ENPP6: variants seen among roughly 807,000 people sequenced by gnomAD.
ENPP6 encodes the protein glycerophosphocholine cholinephosphodiesterase ENPP6.
In ENPP6, 32 loss-of-function variants were observed where a neutral mutation model predicts 42.0. That is an observed-to-expected ratio of 0.76 (90% CI 0.58 to 1.02). ENPP6 has a LOEUF of 1.02. ENPP6 is among the 50% of genes least tolerant of loss of function. The probability of loss-of-function intolerance (pLI) is 0.00; values close to 1 mark genes in which losing one functional copy is unlikely to be tolerated. For missense variants in ENPP6, 552 were observed against 566.8 expected (o/e 0.97, Z 0.27); for synonymous variants, 213 against 216.0 (o/e 0.99, Z 0.12).
intron 1 of ENPP6, among the ~76,000 whole-genome samples, chr4:184,158,864 C>T (rs1737216626): frequency 6.6e-6 from 1 of 152,190 alleles, no homozygotes; most frequent in Non-Finnish European, 1.5e-5. Context: ...TTCACCATCA[C>T]TAAGGTCCTT....
intron 1 of ENPP6, among the ~76,000 whole-genome samples, chr4:184,208,668 C>T (rs1469027977): frequency 6.0e-5 from 9 of 149,052 alleles, no homozygotes; most frequent in Admixed American, 1.3e-4. Context: ...GGGGGAGGGG[C>T]GCCCGCCATT....
At chr4:184,203,455 T>G (rs1732937439) in intron 1 of ENPP6, among the ~76,000 whole-genome samples, 1 of 152,190 alleles carries the variant, frequency 6.6e-6, no homozygotes, top group African/African-American at 2.4e-5. Context: ...GTGACCTTAT[T>G]AGAAATAAGC....
chr4:184,179,934 TAAC>T (rs142000145), intron 1 of ENPP6, among the ~76,000 whole-genome samples: 117,425 of 151,774 alleles, frequency 0.77, 49,743 homozygotes, highest in East Asian at 1. Flanking sequence ...GATCTCAAGT[TAAC>T]AACCTAACAT....
At chr4:184,176,656 T>C (rs1737566323) in intron 1 of ENPP6, among the ~76,000 whole-genome samples, 2 of 152,334 alleles carry the variant, frequency 1.3e-5, no homozygotes, top group Non-Finnish European at 2.9e-5. Context: ...GGCACTCTCA[T>C]GCTGGTGGGG....
At chr4:184,217,455 C>A in intron 1 of ENPP6, 124 bp downstream of exon 1, 2 of 1,350,198 alleles carry the variant, frequency 1.5e-6, no homozygotes, top group Admixed American at 2.5e-5. Flanking sequence ...TTTTATCTAC[C>A]TTTGATGTCC....
intron 1 of ENPP6, among the ~76,000 whole-genome samples, chr4:184,200,803 A>G (rs79932194): frequency 0.033 from 5,007 of 152,260 alleles, 105 homozygotes; most frequent in East Asian, 0.067. Flanking sequence ...CTCCTGGCAC[A>G]CCTGGAGCCC....
chr4:184,099,846 A>G (rs1481328431), intron 6 of ENPP6, among the ~76,000 whole-genome samples: 1 of 152,198 alleles, frequency 6.6e-6, no homozygotes, highest in Non-Finnish European at 1.5e-5. Context: ...CAGCTGATTT[A>G]ATGTGTTGCT....
At chr4:184,204,865 T>G (rs542998288) in intron 1 of ENPP6, among the ~76,000 whole-genome samples, 10 of 152,346 alleles carry the variant, frequency 6.6e-5, no homozygotes, top group African/African-American at 2.2e-4. Flanking sequence ...GTGTCGAACA[T>G]CAAAGTGATC....
At chr4:184,103,046 G>A (rs935234071) in intron 6 of ENPP6, among the ~76,000 whole-genome samples, 1 of 152,228 alleles carries the variant, frequency 6.6e-6, no homozygotes, top group African/African-American at 2.4e-5. Context: ...GTGTGGCACT[G>A]GGCAAGCAAC....
At chr4:184,203,282 A>G (rs774003956) in intron 1 of ENPP6, among the ~76,000 whole-genome samples, 1 of 152,154 alleles carries the variant, frequency 6.6e-6, no homozygotes, top group Non-Finnish European at 1.5e-5. Context: ...ATTAACACTC[A>G]AAAGAAGCTG....
chr4:184,111,665 C>T (rs1486712756), intron 6 of ENPP6, among the ~76,000 whole-genome samples: 8 of 152,260 alleles, frequency 5.3e-5, no homozygotes, highest in Admixed American at 5.2e-4. Context: ...CGAATCTGCT[C>T]TCTTCTCAGT....
At chr4:184,124,000 A>G (rs1736460314) in intron 3 of ENPP6, among the ~76,000 whole-genome samples, 161 bp downstream of exon 3, 1 of 152,196 alleles carries the variant, frequency 6.6e-6, no homozygotes, top group Admixed American at 6.5e-5. Flanking sequence ...TCACTTGCTC[A>G]CAATTACTCC....
intron 2 of ENPP6, among the ~76,000 whole-genome samples, chr4:184,124,823 A>G (rs1292105505): frequency 6.6e-6 from 1 of 152,184 alleles, no homozygotes; most frequent in Non-Finnish European, 1.5e-5. Flanking sequence ...TCTGAGCCGT[A>G]CCCTTGCCTG....
At chr4:184,196,511 T>G (rs1253469763) in intron 1 of ENPP6, among the ~76,000 whole-genome samples, 7 of 152,190 alleles carry the variant, frequency 4.6e-5, no homozygotes, top group African/African-American at 1.7e-4. Flanking sequence ...GTTCAGACAG[T>G]AAGTGGAAAA....
chr4:184,194,593 C>A (rs904652545), intron 1 of ENPP6, among the ~76,000 whole-genome samples: 4 of 152,206 alleles, frequency 2.6e-5, no homozygotes, highest in African/African-American at 9.6e-5. Context: ...AAGCACAGAG[C>A]CCCTGTGGGA....
intron 2 of ENPP6, among the ~76,000 whole-genome samples, chr4:184,129,469 C>T (rs563519670): frequency 5.9e-5 from 9 of 152,256 alleles, no homozygotes; most frequent in South Asian, 2.1e-4. Flanking sequence ...CCATCCACTA[C>T]GCATCAAGAC....
chr4:184,136,601 A>G (rs1320075975), intron 2 of ENPP6, among the ~76,000 whole-genome samples: 1 of 152,124 alleles, frequency 6.6e-6, no homozygotes, highest in Non-Finnish European at 1.5e-5. Context: ...TTTGAAGAAT[A>G]TTTTCACTTG....
At chr4:184,100,110 C>T (rs572989284) in intron 6 of ENPP6, among the ~76,000 whole-genome samples, 19 of 152,232 alleles carry the variant, frequency 1.2e-4, no homozygotes, top group Non-Finnish European at 2.4e-4. Flanking sequence ...TAAATCCACT[C>T]ATTTTTATTA....
At chr4:184,200,324 C>T (rs545337249) in intron 1 of ENPP6, among the ~76,000 whole-genome samples, 235 of 152,296 alleles carry the variant, frequency 1.5e-3, no homozygotes, top group African/African-American at 5.4e-3. Flanking sequence ...GCTGCTCTCC[C>T]GAGCCATCGC....
Sources: allele counts gnomAD v4.1 joint callset (sites outside exome capture counted in the v4.1 genomes callset), GRCh38; gene constraint gnomAD v4.1.1; transcripts MANE v1.5; gene names NCBI Gene and HGNC (gene_info 2026-07-23, HGNC 2026-07-21).